Variants in RRAS2 observed in about 807,000 individuals in gnomAD.
The protein encoded by RRAS2 is RAS related 2, also known as ras-related protein R-Ras2.
Under a neutral mutation model 27.6 loss-of-function variants are expected in RRAS2, and 7 were observed. The ratio of observed to expected loss-of-function variants is 0.25; its 90% CI spans 0.14 to 0.48. RRAS2 has a LOEUF of 0.48. RRAS2 is among the 20% of genes least tolerant of loss of function. The pLI, the probability that RRAS2 is intolerant of heterozygous loss-of-function variation, is 0.99. For synonymous variants in RRAS2, 86 were observed against 90.9 expected, an observed-to-expected ratio of 0.95 and a Z score of 0.31; for missense variants, 178 against 256.2, an observed-to-expected ratio of 0.69 and a Z score of 2.08.
chr11:14,294,382 T>TTA (rs1475906742), intron 4 of RRAS2, 89 bp downstream of exon 4: 8 of 889,404 alleles, frequency 9.0e-6, no homozygotes, highest in South Asian at 4.1e-5. Flanking sequence ...ATTTTTTTTT[T>TTA]ACTAGACTTT....
At chr11:14,321,369 A>G (rs954353655) in intron 1 of RRAS2, among the ~76,000 whole-genome samples, 21 of 152,212 alleles carry the variant, frequency 1.4e-4, no homozygotes, top group Admixed American at 1.1e-3. Context: ...GGATGGCACG[A>G]AAGTCCCTCA....
At chr11:14,293,495 A>G (rs544954495) in intron 4 of RRAS2, among the ~76,000 whole-genome samples, 1 of 152,128 alleles carries the variant, frequency 6.6e-6, no homozygotes, top group South Asian at 2.1e-4. Flanking sequence ...TTTTAACTGC[A>G]GTTCCCATAA....
At chr11:14,339,579 C>G (rs1314816240) in intron 1 of RRAS2, among the ~76,000 whole-genome samples, 1 of 152,080 alleles carries the variant, frequency 6.6e-6, no homozygotes, top group Non-Finnish European at 1.5e-5. Flanking sequence ...TGCTGATTGT[C>G]AACAACAGAC....
At chr11:14,332,420 G>T (rs1368388327) in intron 1 of RRAS2, among the ~76,000 whole-genome samples, 2 of 152,174 alleles carry the variant, frequency 1.3e-5, no homozygotes, top group Non-Finnish European at 2.9e-5. Flanking sequence ...AGGCCCACTT[G>T]AGCCTGGGGA....
chr11:14,337,423 C>T (rs1848610647), intron 1 of RRAS2, among the ~76,000 whole-genome samples: 1 of 152,150 alleles, frequency 6.6e-6, no homozygotes, highest in Non-Finnish European at 1.5e-5. Context: ...TGATTCTGAC[C>T]ATACATCAGA....
chr11:14,315,179 A>C (rs1318911187), intron 1 of RRAS2, among the ~76,000 whole-genome samples: 2 of 152,220 alleles, frequency 1.3e-5, no homozygotes, highest in Admixed American at 6.5e-5. Flanking sequence ...ACAATATGGA[A>C]AAGGGTTGGG....
chr11:14,364,468 G>A, exon 1 of RRAS2: 4 of 1,365,960 alleles, frequency 2.9e-6, no homozygotes, highest in South Asian at 2.5e-5. Context: ...GGCTGGCAGA[G>A]AATGAAACCG....
intron 1 of RRAS2, among the ~76,000 whole-genome samples, chr11:14,350,710 T>C (rs1241771669): frequency 1.3e-5 from 2 of 151,074 alleles, no homozygotes; most frequent in African/African-American, 4.9e-5. Flanking sequence ...AAAAAAAAAT[T>C]GCAAAAAAAA....
intron 1 of RRAS2, among the ~76,000 whole-genome samples, chr11:14,348,989 A>G (rs1207279953): frequency 6.6e-6 from 1 of 152,124 alleles, no homozygotes; most frequent in Non-Finnish European, 1.5e-5. Context: ...TTTTTGAGAT[A>G]GAGTCTCGCT....
chr11:14,296,044 G>A (rs782011836), intron 1 of RRAS2, among the ~76,000 whole-genome samples, 189 bp from the exon 2 acceptor site: 7 of 151,860 alleles, frequency 4.6e-5, no homozygotes, highest in Non-Finnish European at 7.4e-5. Flanking sequence ...ATTAGCCGAC[G>A]TGGTGTGTAC....
chr11:14,359,268 G>A (rs11023196), upstream of RRAS2: 1 of 722,396 alleles, frequency 1.4e-6, no homozygotes, highest in Non-Finnish European at 1.7e-6. Flanking sequence ...GCTGAGGTTC[G>A]GGAGGTAACC....
rs782169288 is a variant in RRAS2 at position 14,358,742 on chromosome 11, G to A, written c.108+21C>T. 8 of 1,355,358 alleles carry A rather than the reference G, an allele frequency of 5.9e-6. No individual in the cohort carries two copies. In the African/African-American group the frequency reaches 6.0e-5, roughly 10 times the overall value. 84.0% of individuals were successfully genotyped at this position (1,355,358 alleles called of 1,614,324 possible). A position where few individuals can be genotyped will look rare whatever the true frequency, so the allele number is the denominator to read the frequency against. On this transcript the variant is annotated intron_variant, in intron 1 of 5. Transcript: ENST00000256196. This position sits in a 1 kb window ranked among gnomAD's most constrained non-coding sequence, Gnocchi z 5.1. ...CCGCCCGCCGCCGCTCCGGCGCCCC[G>A]GGCAGGCCCGCTCCAGGTACCTGGA...
intron 1 of RRAS2, among the ~76,000 whole-genome samples, chr11:14,318,046 T>C (rs782033880): frequency 2.0e-5 from 3 of 152,198 alleles, no homozygotes; most frequent in Admixed American, 2.0e-4. Context: ...TTTCATGATA[T>C]TTCCCCTCAC....
At chr11:14,290,448 A>AG (rs1245497699) in intron 4 of RRAS2, among the ~76,000 whole-genome samples, 5 of 152,086 alleles carry the variant, frequency 3.3e-5, no homozygotes, top group Non-Finnish European at 7.4e-5. Context: ...GACCCGTTTC[A>AG]GGGGGGAAAA....
chr11:14,291,803 T>C (rs1176583816), intron 4 of RRAS2, among the ~76,000 whole-genome samples: 1 of 152,164 alleles, frequency 6.6e-6, no homozygotes, highest in Non-Finnish European at 1.5e-5. Flanking sequence ...ATTCTGGCAA[T>C]CTTCAGTACA....
intron 1 of RRAS2, among the ~76,000 whole-genome samples, chr11:14,304,570 A>C (rs1847791294): frequency 6.6e-6 from 1 of 152,268 alleles, no homozygotes; most frequent in South Asian, 2.1e-4. Context: ...CAGGACATAT[A>C]AAACTCGATT....
intron 1 of RRAS2, among the ~76,000 whole-genome samples, chr11:14,350,699 A>T (rs1468775083): frequency 2.0e-5 from 3 of 149,770 alleles, no homozygotes; most frequent in Non-Finnish European, 3.0e-5. Context: ...TGACGAGGTT[A>T]AAAAAAAAAT....
At chr11:14,311,669 A>G (rs940050888) in intron 1 of RRAS2, among the ~76,000 whole-genome samples, 1 of 152,130 alleles carries the variant, frequency 6.6e-6, no homozygotes, top group East Asian at 1.9e-4. Context: ...GCCTGGCAAC[A>G]TAAAAGTACT....
At chr11:14,328,366 CAAAAAAAA>C (rs71041596) in intron 1 of RRAS2, among the ~76,000 whole-genome samples, 2 of 67,716 alleles carry the variant, frequency 3.0e-5, no homozygotes, top group Non-Finnish European at 5.3e-5. Flanking sequence ...AACTCCAACT[CAAAAAAAA>C]AAAAAAAAAA....
Sources: allele counts gnomAD v4.1 joint callset (sites outside exome capture counted in the v4.1 genomes callset), GRCh38; gene constraint gnomAD v4.1.1; non-coding constraint Gnocchi (gnomAD v3.1); transcripts MANE v1.5; gene names NCBI Gene and HGNC (gene_info 2026-07-23, HGNC 2026-07-21).